Variants in SLC1A1 observed in about 807,000 individuals in gnomAD.
SLC1A1 encodes the protein solute carrier family 1 member 1.
Under a neutral mutation model 53.3 loss-of-function variants are expected in SLC1A1, and 43 were observed. The ratio of observed to expected loss-of-function variants is 0.81; its 90% CI spans 0.63 to 1.04. SLC1A1 has a LOEUF of 1.04. Ranked by LOEUF, SLC1A1 falls within the 50% of genes least tolerant of loss-of-function variation. The pLI is 0.00. For synonymous variants in SLC1A1, 307 were observed against 243.2 expected (o/e 1.26, Z -2.44); for missense variants, 748 against 664.9 (o/e 1.12, Z -1.37).
At chr9:4,492,460 T>G (rs1586681194) in intron 1 of SLC1A1, among the ~76,000 whole-genome samples, 1 of 123,574 alleles carries the variant, frequency 8.1e-6, no homozygotes, top group Admixed American at 9.9e-5. Flanking sequence ...CCCGCCTGGG[T>G]GACAGAGCAA....
At chr9:4,522,030 C>G (rs1006462312) in intron 1 of SLC1A1, among the ~76,000 whole-genome samples, 1 of 146,296 alleles carries the variant, frequency 6.8e-6, no homozygotes, top group East Asian at 2.0e-4. Context: ...TCTAATGAAT[C>G]AGAACCTGCC....
chr9:4,506,997 C>T (rs1056887353), intron 1 of SLC1A1, among the ~76,000 whole-genome samples: 14 of 152,040 alleles, frequency 9.2e-5, no homozygotes, highest in Admixed American at 2.0e-4. Flanking sequence ...TTCGGGAGGC[C>T]GAGGTGTGTG....
At chr9:4,582,372 T>C (rs1455069292) in intron 10 of SLC1A1, among the ~76,000 whole-genome samples, 1 of 152,220 alleles carries the variant, frequency 6.6e-6, no homozygotes, top group Non-Finnish European at 1.5e-5. Context: ...GCTTGTACCT[T>C]GGACAGGATC....
At position 4,556,730 on chromosome 9, in the gene SLC1A1, A is replaced by C. The variant is rs574566435; in HGVS notation, c.233-4719A>C. Among the ~76,000 whole-genome samples the C allele has an allele frequency of 3.3e-4, 50 of 152,340 alleles. No homozygotes were observed. The highest frequency in any genetic ancestry group is 1.2e-3 in the African/African-American group (49 of 41,578). ...TGCGCTAGACCACAAGTTCTCACCA[A>C]GACAATATCGTCCCCAAGGCAGCAA... On this transcript the variant is annotated intron_variant, in intron 2 of 11. Transcript: ENST00000262352. This position sits in a 1 kb window ranked among gnomAD's most constrained non-coding sequence, Gnocchi z 4.1.
chr9:4,582,019 C>G (rs1403673823), intron 10 of SLC1A1, among the ~76,000 whole-genome samples: 3 of 152,180 alleles, frequency 2.0e-5, no homozygotes, highest in Non-Finnish European at 4.4e-5. Flanking sequence ...CCTTTCAACA[C>G]AGTGGAACCC....
intron 2 of SLC1A1, among the ~76,000 whole-genome samples, chr9:4,550,911 A>G (rs7038739): frequency 0.039 from 5,938 of 152,220 alleles, 378 homozygotes; most frequent in African/African-American, 0.13. Flanking sequence ...GCAGCCACAG[A>G]CCGTATGTAA....
chr9:4,564,116 C>T (rs866045664), intron 3 of SLC1A1, among the ~76,000 whole-genome samples: 21 of 152,150 alleles, frequency 1.4e-4, no homozygotes, highest in South Asian at 2.1e-4. Flanking sequence ...CAGACGCACA[C>T]GCACGCACGC....
At chr9:4,536,494 T>C (rs1021028555) in intron 1 of SLC1A1, among the ~76,000 whole-genome samples, 9 of 152,178 alleles carry the variant, frequency 5.9e-5, no homozygotes, top group Non-Finnish European at 1.3e-4. Context: ...CACATTGAGA[T>C]ACCATCTCAC....
In SLC1A1 at chr9:4,561,631, C is replaced by T. The variant is rs559698099; in HGVS notation, c.325+90C>T. On this transcript the variant is annotated intron_variant, in intron 3 of 11. Transcript: ENST00000262352. ...TGGTGGCCAGATGCGGTGGCTCAGGCCTGTAATCTCAGAAATCTGGGAGGC... is the reference window on the plus strand; with the variant it reads ...TGGTGGCCAGATGCGGTGGCTCAGGTCTGTAATCTCAGAAATCTGGGAGGC... 1.7e-5 allele frequency: 14 copies of T among 838,348 alleles called. No homozygotes were observed. The South Asian group carries it at 1.7e-4, about 10-fold the overall frequency. The allele number at this position is 838,348 out of a possible 1,614,324, so 51.9% of individuals were successfully genotyped here. A position where few individuals can be genotyped will look rare whatever the true frequency, so the allele number is the denominator to read the frequency against.
intron 1 of SLC1A1, among the ~76,000 whole-genome samples, chr9:4,509,377 C>T (rs1820916366): frequency 6.6e-6 from 1 of 151,988 alleles, no homozygotes; most frequent in Non-Finnish European, 1.5e-5. Flanking sequence ...TAAAAGGAAT[C>T]AGCAAGGGAT....
rs1483678516 is a variant in SLC1A1 at position 4,585,641 on chromosome 9, C to T, written c.*83C>T. 5.4e-6 allele frequency: 8 copies of T among 1,490,360 alleles called. 1 individual carries two copies. In the South Asian group the frequency reaches 8.0e-5, roughly 15 times the overall value. The allele number at this position is 1,490,360 out of a possible 1,614,324, so 92.3% of individuals were successfully genotyped here. On this transcript the variant is annotated 3_prime_UTR_variant, in exon 12 of 12. Transcript: ENST00000262352. ...AAACACTGCTTAAGGAAAAGAGAAACACTAATGGCCAAGTGTACATTTGAT... is the reference window on the plus strand; with the variant it reads ...AAACACTGCTTAAGGAAAAGAGAAATACTAATGGCCAAGTGTACATTTGAT...
chr9:4,505,650 T>A (rs1421409071), intron 1 of SLC1A1, among the ~76,000 whole-genome samples: 1 of 152,052 alleles, frequency 6.6e-6, no homozygotes, highest in African/African-American at 2.4e-5. Flanking sequence ...TTTGTTGTTG[T>A]TGTTGTTGTT....
chr9:4,575,720 C>A (rs750821455), intron 8 of SLC1A1, among the ~76,000 whole-genome samples: 1 of 152,164 alleles, frequency 6.6e-6, no homozygotes, highest in African/African-American at 2.4e-5. Context: ...ATAGCACACA[C>A]AGGGGTGTGG....
At chr9:4,568,765 A>C (rs557486372) in intron 6 of SLC1A1, among the ~76,000 whole-genome samples, 1 of 152,088 alleles carries the variant, frequency 6.6e-6, no homozygotes, top group Admixed American at 6.5e-5. Context: ...TCCTAAGCAC[A>C]AGAAGACTGT....
At position 4,490,575 on chromosome 9, in the gene SLC1A1, C is replaced by G. The variant is rs1270318429; in HGVS notation, c.-105C>G. 3.4e-6 allele frequency: 3 copies of G among 875,042 alleles called. No individual in the cohort carries two copies. Among genetic ancestry groups the G allele is most frequent in the East Asian group, 5.5e-5 (2 of 36,352 alleles). 54.2% of individuals were successfully genotyped at this position (875,042 alleles called of 1,614,324 possible). On this transcript the variant is annotated 5_prime_UTR_variant, in exon 1 of 12. Transcript: ENST00000262352. ...CTGCAGCGGCCGGCTCTCACCTCTC[C>G]CCTGTGCACCCGCATCTCGCCGCGC...
intron 1 of SLC1A1, among the ~76,000 whole-genome samples, chr9:4,535,215 A>T (rs149877847): frequency 2.0e-5 from 3 of 152,134 alleles, no homozygotes; most frequent in African/African-American, 7.2e-5. Flanking sequence ...CAGGGCAATC[A>T]GGCTGGAGAA....
intron 8 of SLC1A1, among the ~76,000 whole-genome samples, chr9:4,575,212 G>A (rs1280117294): frequency 6.6e-6 from 1 of 152,044 alleles, no homozygotes; most frequent in African/African-American, 2.4e-5. Flanking sequence ...ATTTTTGATG[G>A]CCATTTCCTA....
Position 4,556,296 on chromosome 9 carries a change from C to T in SLC1A1, c.233-5153C>T, listed in dbSNP as rs549786460. 1.3e-4 allele frequency among the ~76,000 whole-genome samples: 20 copies of T among 152,166 alleles called. No homozygotes were observed. Among genetic ancestry groups the T allele is most frequent in the South Asian group, 4.2e-4 (2 of 4,814 alleles). On this transcript the variant is annotated intron_variant, in intron 2 of 11. Coordinates refer to ENST00000262352, the MANE Select transcript of SLC1A1 (RefSeq NM_004170.6). The surrounding 1 kb of genome is among the most constrained non-coding windows in gnomAD (Gnocchi z 4.1). ...GGGCCTCCCAAAGTGCTGGGATTAC[C>T]GGCGTGAGCCACTACGCCCCGCCCC...
At chr9:4,580,599 ATATGTG>A (rs1365359742) in intron 10 of SLC1A1, among the ~76,000 whole-genome samples, 11 of 51,052 alleles carry the variant, frequency 2.2e-4, no homozygotes, top group East Asian at 2.3e-3. Context: ...AAAAAAATAT[ATATGTG>A]TGTGTGTGTG....
Sources: allele counts gnomAD v4.1 joint callset (sites outside exome capture counted in the v4.1 genomes callset), GRCh38; gene constraint gnomAD v4.1.1; non-coding constraint Gnocchi (gnomAD v3.1); transcripts MANE v1.5; gene names NCBI Gene and HGNC (gene_info 2026-07-23, HGNC 2026-07-21).